Variants in BRWD1 observed in about 807,000 individuals in gnomAD.
The protein encoded by BRWD1 is bromodomain and WD repeat-containing protein 1.
Under a neutral mutation model 251.2 loss-of-function variants are expected in BRWD1, and 82 were observed. The ratio of observed to expected loss-of-function variants is 0.33; its 90% CI spans 0.27 to 0.39. The LOEUF (loss-of-function observed/expected upper bound fraction) is 0.39. Among genes scored for constraint, BRWD1 ranks in the 10% least tolerant of loss-of-function variants. BRWD1 has a pLI of 1.00. For synonymous variants in BRWD1, 918 were observed against 902.8 expected (o/e 1.02, Z -0.30); for missense variants, 2,233 against 2,711.6 (o/e 0.82, Z 3.92).
chr21:39,263,661 G>T (rs2034827107), intron 17 of BRWD1, among the ~76,000 whole-genome samples: 1 of 152,148 alleles, frequency 6.6e-6, no homozygotes, highest in African/African-American at 2.4e-5. Context: ...CAATGATGAA[G>T]TTAGAAAATA....
Position 39,189,332 on chromosome 21 carries a change from A to G in BRWD1, c.*6927T>C. 1.0e-6 allele frequency: 1 copy of G among 985,330 alleles called. No individual in the cohort carries two copies. The highest frequency in any genetic ancestry group is 1.2e-6 in the Non-Finnish European group (1 of 829,802). 61.0% of individuals were successfully genotyped at this position (985,330 alleles called of 1,614,324 possible). A position where few individuals can be genotyped will look rare whatever the true frequency, so the allele number is the denominator to read the frequency against. Reference sequence around the variant, plus strand: ...AATTCTATTTCAACTACAATTTGTAACAAAATGCTTTAAGTTGCAGAAATT... The same window carrying G: ...AATTCTATTTCAACTACAATTTGTAGCAAAATGCTTTAAGTTGCAGAAATT... On this transcript the variant is annotated 3_prime_UTR_variant, in exon 41 of 41. Transcript: ENST00000342449.
At chr21:39,246,311 G>A (rs756882480) in intron 21 of BRWD1, among the ~76,000 whole-genome samples, 1 of 152,158 alleles carries the variant, frequency 6.6e-6, no homozygotes, top group Non-Finnish European at 1.5e-5. Context: ...CTGAAACCAA[G>A]AGATACCACT....
chr21:39,203,753 C>G (rs974166668), intron 37 of BRWD1, among the ~76,000 whole-genome samples: 16 of 150,840 alleles, frequency 1.1e-4, no homozygotes, highest in African/African-American at 3.7e-4. Flanking sequence ...TAAGTGGTAT[C>G]TAGACATTGA....
chr21:39,201,736 C>T (rs1053335363), intron 38 of BRWD1, among the ~76,000 whole-genome samples: 2 of 152,202 alleles, frequency 1.3e-5, no homozygotes, highest in African/African-American at 4.8e-5. Flanking sequence ...TCACAGTCCA[C>T]TTCCATTCCA....
upstream of BRWD1, among the ~76,000 whole-genome samples, chr21:39,318,635 G>T (rs4818017): frequency 0.62 from 94,567 of 151,944 alleles, 29,735 homozygotes; most frequent in African/African-American, 0.68. Context: ...CTCCTGGGCT[G>T]TTTTTTGTTT....
intron 4 of BRWD1, chr21:39,312,577 A>AGCCCCACCCCTGCC: frequency 2.9e-6 from 1 of 342,132 alleles, no homozygotes; most frequent in Non-Finnish European, 5.5e-6. Context: ...CCGCACCTGG[A>AGCCCCACCCCTGCC]GCCCCACCCC....
chr21:39,280,315 G>T lies in BRWD1; in HGVS notation c.832-67C>A. 3 of 1,245,620 alleles carry T rather than the reference G, an allele frequency of 2.4e-6. No homozygotes were observed. In the East Asian group the frequency reaches 7.5e-5, roughly 31 times the overall value. 77.2% of individuals were successfully genotyped at this position (1,245,620 alleles called of 1,614,324 possible). A position where few individuals can be genotyped will look rare whatever the true frequency, so the allele number is the denominator to read the frequency against. ...ACTTAAGTTACAGTTTAATAGTCTTGCAAACTTAACTTCAATTGACAGTTT... is the reference window on the plus strand; with the variant it reads ...ACTTAAGTTACAGTTTAATAGTCTTTCAAACTTAACTTCAATTGACAGTTT... On this transcript the variant is annotated intron_variant, in intron 8 of 40. Transcript: ENST00000342449.
At chr21:39,250,288 C>G (rs1359259975) in intron 20 of BRWD1, among the ~76,000 whole-genome samples, 1 of 152,030 alleles carries the variant, frequency 6.6e-6, no homozygotes, top group Non-Finnish European at 1.5e-5. Flanking sequence ...GGAATAAAGC[C>G]ATCCTGTGCT....
intron 31 of BRWD1, among the ~76,000 whole-genome samples, chr21:39,216,303 T>C (rs1239803514): frequency 1.3e-5 from 2 of 152,118 alleles, no homozygotes; most frequent in Non-Finnish European, 2.9e-5. Context: ...AGACCAAGTA[T>C]TAACTATATA....
At chr21:39,258,711 C>T (rs756171817) in intron 17 of BRWD1, 39 bp from the exon 18 acceptor site, 2 of 1,379,506 alleles carry the variant, frequency 1.4e-6, no homozygotes, top group Non-Finnish European at 1.9e-6. Context: ...CATATAAAAG[C>T]AGAAAACAAA....
At chr21:39,229,532 G>A in intron 25 of BRWD1, 96 bp from the exon 26 acceptor site, 1 of 1,233,472 alleles carries the variant, frequency 8.1e-7, no homozygotes, top group Non-Finnish European at 1.1e-6. Context: ...TCATAATTTA[G>A]GCTTCCAAAC....
chr21:39,312,886 T>C lies in BRWD1; in HGVS notation c.153A>G (p.Arg51=). ...ELEQYQLLPK[R]LDWEGNEHNR... Reference sequence around the variant, plus strand: ...TGTGCTCGTTGCCCTCCCAGTCCAATCTCTTCGGCAACAACTGGAAAGACA... The same window carrying C: ...TGTGCTCGTTGCCCTCCCAGTCCAACCTCTTCGGCAACAACTGGAAAGACA... Residue 51 remains arginine, a synonymous_variant, in exon 4 of 41, where the codon AGA becomes AGG. Coordinates refer to ENST00000342449, the MANE Select transcript of BRWD1 (RefSeq NM_033656.4). 1 of 1,497,306 alleles carries C rather than the reference T, an allele frequency of 6.7e-7. No individual in the cohort carries two copies. The highest frequency in any genetic ancestry group is 8.9e-7 in the Non-Finnish European group (1 of 1,121,342). The allele number at this position is 1,497,306 out of a possible 1,614,324, so 92.8% of individuals were successfully genotyped here.
At chr21:39,307,139 C>T (rs2036312804) in intron 4 of BRWD1, among the ~76,000 whole-genome samples, 1 of 152,182 alleles carries the variant, frequency 6.6e-6, no homozygotes, top group East Asian at 1.9e-4. Flanking sequence ...CAGGTGTGAG[C>T]CACTGAGCCT....
Position 39,214,431 on chromosome 21 carries a change from CA to C in BRWD1, c.3785+805del, listed in dbSNP as rs553343982. On this transcript the variant is annotated intron_variant, in intron 32 of 40. Transcript: ENST00000342449. ...TAAATATACTCTATAAAATAAGTAA[CA>C]TAACTATACTCTATAAAATAAGTAA... 4.6e-5 allele frequency among the ~76,000 whole-genome samples: 7 copies of C among 151,952 alleles called. No individual in the cohort carries two copies. In the South Asian group the frequency reaches 1.5e-3, roughly 32 times the overall value.
chr21:39,220,599 A>G (rs1197842235), intron 29 of BRWD1, among the ~76,000 whole-genome samples: 2 of 152,254 alleles, frequency 1.3e-5, no homozygotes, highest in Non-Finnish European at 2.9e-5. Flanking sequence ...CACAGGTAAT[A>G]TATTAGGAAA....
At chr21:39,248,641 CAAAAAAAAAAAAAAAAAAAAAA>C (rs375430016) in intron 20 of BRWD1, among the ~76,000 whole-genome samples, 5 of 83,284 alleles carry the variant, frequency 6.0e-5, no homozygotes, top group Non-Finnish European at 9.1e-5. Flanking sequence ...CCCTATCTCC[CAAAAAAAAAAAAAAAAAAAAAA>C]AAAAAAAAAA....
intron 4 of BRWD1, among the ~76,000 whole-genome samples, chr21:39,308,475 T>C (rs148953721): frequency 0.025 from 2,151 of 85,094 alleles, 50 homozygotes; most frequent in African/African-American, 0.096. Flanking sequence ...GAATGACACC[T>C]TGTCTCAAAA....
In BRWD1 at chr21:39,210,895, T is replaced by C. The variant is rs372771181; in HGVS notation, c.3935A>G (p.Asn1312Ser). The C allele has an allele frequency of 6.2e-6, 10 of 1,610,146 alleles. No individual in the cohort carries two copies. In the African/African-American group the frequency reaches 1.2e-4, roughly 19 times the overall value. The change falls in exon 35 of 41, where the codon AAC becomes AGC. Residue 1312 changes from asparagine (N) to serine (S), a missense_variant. By Grantham distance (46) the Asn-to-Ser change is conservative. This residue lies in a region of BRWD1 where 167 missense variants were observed against 183.2 expected (regional missense o/e 0.91). Transcript: ENST00000342449. ...HDGKKSIRATNYVESNWKKQC... is the reference protein window; with the variant it reads ...HDGKKSIRATSYVESNWKKQC... ...TTTCTTCCAGTTGCTTTCAACATAG[T>C]TCGTAGCTCTGATGCTTTTTTTCCC...
chr21:39,260,937 G>A (rs900404227), intron 17 of BRWD1, among the ~76,000 whole-genome samples: 4 of 152,270 alleles, frequency 2.6e-5, no homozygotes, highest in Middle Eastern at 3.4e-3. Flanking sequence ...ATACTGATAC[G>A]TGGCCGGGCA....
Sources: allele counts gnomAD v4.1 joint callset (sites outside exome capture counted in the v4.1 genomes callset), GRCh38; gene constraint gnomAD v4.1.1; regional missense constraint gnomAD v4.1.1; transcripts MANE v1.5; gene names NCBI Gene and HGNC (gene_info 2026-07-23, HGNC 2026-07-21).